The following SPAG17 variants were observed in gnomAD, a reference collection of about 807,000 sequenced individuals.
SPAG17 encodes the protein sperm associated antigen 17.
Under a neutral mutation model 273.6 loss-of-function variants are expected in SPAG17, and 169 were observed. That is an observed-to-expected ratio of 0.62 (90% CI 0.55 to 0.70). SPAG17 has a LOEUF of 0.70. Ranked by LOEUF, SPAG17 falls within the 30% of genes least tolerant of loss-of-function variation. The pLI is 0.00. For missense variants in SPAG17, 2,557 were observed against 2,627.8 expected, an observed-to-expected ratio of 0.97 and a Z score of 0.59; for synonymous variants, 825 against 873.2, an observed-to-expected ratio of 0.94 and a Z score of 0.97.
intron 7 of SPAG17, among the ~76,000 whole-genome samples, chr1:118,094,917 G>T (rs1329546675): frequency 6.6e-6 from 1 of 152,168 alleles, no homozygotes; most frequent in African/African-American, 2.4e-5. Flanking sequence ...TTGACTAATA[G>T]ATCAGTCTGG....
chr1:118,160,022 T>C (rs1391256102), intron 1 of SPAG17, among the ~76,000 whole-genome samples: 1 of 152,164 alleles, frequency 6.6e-6, no homozygotes, highest in Non-Finnish European at 1.5e-5. Context: ...ACGAGCTTCT[T>C]TGGGTTTTGA....
intron 3 of SPAG17, among the ~76,000 whole-genome samples, chr1:118,145,716 TA>T (rs34378706): frequency 0.014 from 2,114 of 149,848 alleles, 38 homozygotes; most frequent in African/African-American, 0.043. Context: ...CTGACAGGAG[TA>T]AAAAAAAAAT....
intron 3 of SPAG17, among the ~76,000 whole-genome samples, chr1:118,119,597 G>A (rs1295886433): frequency 6.6e-6 from 1 of 152,158 alleles, no homozygotes; most frequent in Non-Finnish European, 1.5e-5. Flanking sequence ...CTATTTTGGG[G>A]AGGTGAATAA....
rs781034005 is a variant in SPAG17, at chr1:118,008,035, T to G, written c.4587+9A>C. On this transcript the variant is annotated intron_variant, in intron 31 of 48. Coordinates refer to ENST00000336338, the MANE Select transcript of SPAG17 (RefSeq NM_206996.4). ...TCTTTGGCGCTTCTCATTTTCCTCG[T>G]AGACCTACCTGGTATGTTCCCTGTG... 1 of 1,613,882 alleles carries G rather than the reference T, an allele frequency of 6.2e-7. No homozygotes were observed. Among genetic ancestry groups the G allele is most frequent in the Non-Finnish European group, 8.5e-7 (1 of 1,179,826 alleles).
In SPAG17 at chr1:118,042,052, C is replaced by T. The variant is rs753945274; in HGVS notation, c.2815-10G>A. On this transcript the variant is annotated splice_polypyrimidine_tract_variant and intron_variant, in intron 20 of 48. Coordinates refer to ENST00000336338, the MANE Select transcript of SPAG17 (RefSeq NM_206996.4). ...GCTCTTCTTTCCATGCCTGTAAACA[C>T]ATTTAAGAAATTTAACAGGATTTTT... The T allele has an allele frequency of 6.3e-7, 1 of 1,593,116 alleles. No individual in the cohort carries two copies. The highest frequency in any genetic ancestry group is 1.4e-5 in the African/African-American group (1 of 73,190).
chr1:118,051,973 C>T (rs1384489535), intron 20 of SPAG17, among the ~76,000 whole-genome samples: 1 of 135,338 alleles, frequency 7.4e-6, no homozygotes, highest in Non-Finnish European at 1.5e-5. Flanking sequence ...TATGTACATA[C>T]TACATTATGT....
Position 118,062,347 on chromosome 1 carries a change from A to G in SPAG17, c.2540+4398T>C, listed in dbSNP as rs1291139908. ...CCGCCACTGCACTCCAGCCTGGGCGACAGAGCGAGACTCCATCTCAAAAAA... is the reference window on the plus strand; with the variant it reads ...CCGCCACTGCACTCCAGCCTGGGCGGCAGAGCGAGACTCCATCTCAAAAAA... On this transcript the variant is annotated intron_variant, in intron 18 of 48. Transcript: ENST00000336338. Among the ~76,000 whole-genome samples, 536 of 117,834 alleles carry G rather than the reference A, an allele frequency of 4.5e-3. 10 individuals carry two copies. The highest frequency in any genetic ancestry group is 0.019 in the African/African-American group (510 of 27,192). 77.3% of individuals were successfully genotyped at this position (117,834 alleles called of 152,430 possible).
chr1:118,080,721 A>G (rs748783068), intron 15 of SPAG17, among the ~76,000 whole-genome samples: 1 of 152,122 alleles, frequency 6.6e-6, no homozygotes, highest in African/African-American at 2.4e-5. Flanking sequence ...TAAGTGGGAG[A>G]GGAGGGGAAA....
chr1:117,953,668 A>G lies in SPAG17; in HGVS notation c.*382T>C. 2.4e-6 allele frequency: 2 copies of G among 833,172 alleles called. No homozygotes were observed. Among genetic ancestry groups the G allele is most frequent in the Admixed American group, 2.7e-5 (1 of 37,098 alleles). The allele number at this position is 833,172 out of a possible 1,614,324, so 51.6% of individuals were successfully genotyped here. On this transcript the variant is annotated 3_prime_UTR_variant, in exon 49 of 49. Coordinates refer to ENST00000336338, the MANE Select transcript of SPAG17 (RefSeq NM_206996.4). The stretch of plus-strand genomic sequence containing the variant: ...AAGTTGATGAGATTTAAAGATGGGG[A>G]TTATAACCTGTTTCCTTCTCTTGTA...
intron 29 of SPAG17, among the ~76,000 whole-genome samples, chr1:118,014,546 T>A (rs994396145): frequency 6.6e-6 from 1 of 152,158 alleles, no homozygotes; most frequent in Non-Finnish European, 1.5e-5. Flanking sequence ...ACTTTGAGTC[T>A]TACAAAAAAA....
intron 32 of SPAG17, among the ~76,000 whole-genome samples, chr1:118,002,311 C>A (rs147902258): frequency 6.6e-6 from 1 of 151,940 alleles, no homozygotes; most frequent in South Asian, 2.1e-4. Flanking sequence ...TGATTTGGGG[C>A]GGAGAGTTCT....
intron 22 of SPAG17, 63 bp from the exon 23 acceptor site, chr1:118,039,507 A>G (rs1163578129): frequency 1.3e-6 from 2 of 1,521,738 alleles, no homozygotes; most frequent in African/African-American, 1.4e-5. Flanking sequence ...CTCCTCGACA[A>G]GATGGTTACA....
chr1:117,992,911 G>T (rs1013652773), intron 35 of SPAG17, among the ~76,000 whole-genome samples: 2 of 152,146 alleles, frequency 1.3e-5, no homozygotes, highest in Non-Finnish European at 1.5e-5. Flanking sequence ...GTAGGATGTA[G>T]AAGAGTGCTA....
At chr1:118,181,707 A>G (rs1226597918) in intron 1 of SPAG17, among the ~76,000 whole-genome samples, 1 of 152,200 alleles carries the variant, frequency 6.6e-6, no homozygotes, top group African/African-American at 2.4e-5. Flanking sequence ...ACCAAAAAAT[A>G]AATAAATAAA....
intron 1 of SPAG17, among the ~76,000 whole-genome samples, chr1:118,162,034 A>C (rs886306544): frequency 6.6e-6 from 1 of 152,172 alleles, no homozygotes; most frequent in Non-Finnish European, 1.5e-5. Flanking sequence ...ACACACCCTC[A>C]TAATTCACAT....
In SPAG17 at chr1:118,041,950, C is replaced by T. The variant is rs1461605174; in HGVS notation, c.2907G>A (p.Lys969=). ...AEKKGKEAGK[K]KGKDNAEKED... The stretch of plus-strand genomic sequence containing the variant: ...CTTTCTCTGCGTTATCCTTGCCTTT[C>T]TTTTTACCAGCTTCTTTACCCTTCT... Residue 969 remains lysine (K), a synonymous_variant, in exon 21 of 49, where the codon AAG becomes AAA. Coordinates refer to ENST00000336338, the MANE Select transcript of SPAG17 (RefSeq NM_206996.4). The T allele has an allele frequency of 6.2e-7, 1 of 1,613,922 alleles. No individual in the cohort carries two copies. Among genetic ancestry groups the T allele is most frequent in the Admixed American group, 1.7e-5 (1 of 59,990 alleles).
chr1:118,006,782 T>G, intron 31 of SPAG17, among the ~76,000 whole-genome samples: 1 of 152,230 alleles, frequency 6.6e-6, no homozygotes, highest in African/African-American at 2.4e-5. Context: ...CTTGTGATTA[T>G]CTGTCTTTTT....
intron 20 of SPAG17, among the ~76,000 whole-genome samples, chr1:118,048,529 C>G (rs1164309229): frequency 6.6e-6 from 1 of 151,744 alleles, no homozygotes; most frequent in East Asian, 1.9e-4. Context: ...TTTAGCTAAA[C>G]TAAAAAAAAG....
At chr1:118,139,376 C>A (rs564436225) in intron 3 of SPAG17, among the ~76,000 whole-genome samples, 15 of 152,050 alleles carry the variant, frequency 9.9e-5, no homozygotes, top group Non-Finnish European at 1.8e-4. Flanking sequence ...ATATAAGTTA[C>A]GACAGCCCAT....
Sources: allele counts gnomAD v4.1 joint callset (sites outside exome capture counted in the v4.1 genomes callset), GRCh38; gene constraint gnomAD v4.1.1; transcripts MANE v1.5; gene names NCBI Gene and HGNC (gene_info 2026-07-23, HGNC 2026-07-21).